The following PLCG1 variants were observed in gnomAD, a reference collection of about 807,000 sequenced individuals.
The protein encoded by PLCG1 is phospholipase C gamma 1, also known as 1-phosphatidylinositol 4,5-bisphosphate phosphodiesterase gamma-1.
A neutral mutation model predicts 177.8 loss-of-function variants in PLCG1; 71 were observed. That is an observed-to-expected ratio of 0.40 (90% CI 0.33 to 0.49). The LOEUF (loss-of-function observed/expected upper bound fraction) is 0.49, where lower values mean the gene tolerates loss of function less well. Ranked by LOEUF, PLCG1 falls within the 20% of genes least tolerant of loss-of-function variation. PLCG1 has a pLI of 0.72. For synonymous variants in PLCG1, 658 were observed against 647.9 expected, an observed-to-expected ratio of 1.02 and a Z score of -0.24; for missense variants, 1,281 against 1,709.0, an observed-to-expected ratio of 0.75 and a Z score of 4.42.
At position 41,163,638 on chromosome 20, in the gene PLCG1, C is replaced by T. The variant is rs1036552759; in HGVS notation, c.892-77C>T. 17 of 1,153,710 alleles carry T rather than the reference C, an allele frequency of 1.5e-5. No homozygotes were observed. Among genetic ancestry groups the T allele is most frequent in the Non-Finnish European group, 2.0e-5 (15 of 764,494 alleles). 71.5% of individuals were successfully genotyped at this position (1,153,710 alleles called of 1,614,324 possible). ...CCAGTTGGGACAGAGCACTCTCTCT[C>T]CTACCCCCAACCTACCATCTTGGGT... On this transcript the variant is annotated intron_variant, in intron 9 of 31. Coordinates refer to ENST00000685551, the MANE Select transcript of PLCG1 (RefSeq NM_002660.3). This position sits in a 1 kb window ranked among gnomAD's most constrained non-coding sequence, Gnocchi z 5.2.
chr20:41,174,289 C>T lies in PLCG1; in HGVS notation c.3811C>T (p.His1271Tyr), dbSNP rs1331979401. The T allele has an allele frequency of 1.2e-6, 2 of 1,614,106 alleles. No individual in the cohort carries two copies. The highest frequency in any genetic ancestry group is 1.7e-6 in the Non-Finnish European group (2 of 1,179,958). ...CATCTCCCAGGAGCATCTCGCAGAC[C>T]ATTTTGACAGTCGAGAACGAAGGTG... is the stretch of plus-strand genomic sequence containing the variant. ...FRISQEHLAD[H>Y]FDSRERRAPR... Residue 1271 changes from histidine (H) to tyrosine (Y), a missense_variant, in exon 31 of 32, where the codon CAT (histidine) becomes TAT (tyrosine). His to Tyr is a moderately conservative substitution (Grantham distance 83). This residue lies in a region of PLCG1 where 153 missense variants were observed against 153.2 expected (regional missense o/e 1.00). Transcript: ENST00000685551. The surrounding 1 kb of genome is among the most constrained non-coding windows in gnomAD (Gnocchi z 5.8).
Position 41,177,350 on chromosome 20 carries a change from AGGAG to A in PLCG1, c.*2842_*2845del, listed in dbSNP as rs2036092480. Reference sequence around the variant, plus strand: ...AAAGACTGCCCTGCGGGAAGATGGCAGGAGCAGTTTCTGACCTCAGTTGAGTATC... The same window carrying A: ...AAAGACTGCCCTGCGGGAAGATGGCACAGTTTCTGACCTCAGTTGAGTATC... On this transcript the variant is annotated 3_prime_UTR_variant, in exon 32 of 32. Coordinates refer to ENST00000685551, the MANE Select transcript of PLCG1 (RefSeq NM_002660.3). 6.6e-6 allele frequency: 1 copy of A among 152,292 alleles called. No homozygotes were observed. The highest frequency in any genetic ancestry group is 6.5e-5 in the Admixed American group (1 of 15,292). The allele number at this position is 152,292 out of a possible 1,614,324, so 9.4% of individuals were successfully genotyped here.
chr20:41,163,608 C>T lies in PLCG1; in HGVS notation c.892-107C>T. On this transcript the variant is annotated intron_variant, in intron 9 of 31. Coordinates refer to ENST00000685551, the MANE Select transcript of PLCG1 (RefSeq NM_002660.3). The surrounding 1 kb of genome is among the most constrained non-coding windows in gnomAD (Gnocchi z 5.2). ...GTTTCTACCTACTGTGCACCTTGCC[C>T]ACCCCCAGTTGGGACAGAGCACTCT... is the stretch of plus-strand genomic sequence containing the variant. 2.8e-6 allele frequency: 3 copies of T among 1,066,644 alleles called. No individual in the cohort carries two copies. Among genetic ancestry groups the T allele is most frequent in the Non-Finnish European group, 4.4e-6 (3 of 689,576 alleles). The allele number at this position is 1,066,644 out of a possible 1,614,324, so 66.1% of individuals were successfully genotyped here. A position where few individuals can be genotyped will look rare whatever the true frequency, so the allele number is the denominator to read the frequency against.
chr20:41,169,152 G>C lies in PLCG1; in HGVS notation c.2557G>C (p.Val853Leu), dbSNP rs753634028. Residue 853 changes from valine to leucine, a missense_variant, in exon 22 of 32, where the codon GTG (valine) becomes CTG (leucine). Physicochemically the swap from Val to Leu is conservative, Grantham distance 32 (BLOSUM62 1). Around this residue, in one of 4 missense-constraint regions of PLCG1, gnomAD observed 723 missense variants for 1,030.0 expected, o/e 0.70. Coordinates refer to ENST00000685551, the MANE Select transcript of PLCG1 (RefSeq NM_002660.3). ...SNYVEEMVNPVALEPEREHLD... is the reference protein window; with the variant it reads ...SNYVEEMVNPLALEPEREHLD... ...CTACGTGGAAGAGATGGTCAACCCC[G>C]TGGCCCTGGAGCCGGAGAGGGAGGT... 6.8e-6 allele frequency: 11 copies of C among 1,613,454 alleles called. No homozygotes were observed. In the South Asian group the frequency reaches 1.2e-4, roughly 18 times the overall value.
rs755903631 is a variant in PLCG1 at position 41,167,945 on chromosome 20, C to T, written c.2379+16C>T. 1.0e-5 allele frequency: 16 copies of T among 1,591,326 alleles called. No homozygotes were observed. The highest frequency in any genetic ancestry group is 1.4e-5 in the Non-Finnish European group (16 of 1,159,638). On this transcript the variant is annotated intron_variant, in intron 20 of 31. Transcript: ENST00000685551. The surrounding 1 kb of genome is among the most constrained non-coding windows in gnomAD (Gnocchi z 4.4). ...AACTTTCAAGGTACAGCTCAGGCCT[C>T]TGGGCATAGGAAGCTGGGGAGGGTC...
In PLCG1 at chr20:41,146,951, T is replaced by TA; in HGVS notation, c.217+9094dup. 6.6e-6 allele frequency among the ~76,000 whole-genome samples: 1 copy of TA among 152,136 alleles called. No homozygotes were observed. Among genetic ancestry groups the TA allele is most frequent in the East Asian group, 1.9e-4 (1 of 5,196 alleles). The stretch of plus-strand genomic sequence containing the variant: ...CATAGGTCCCACAGGTTTCTCAGCT[T>TA]ACTTGGGGGCAGGAGGTGAGCTAAG... On this transcript the variant is annotated intron_variant, in intron 1 of 31. Coordinates refer to ENST00000685551, the MANE Select transcript of PLCG1 (RefSeq NM_002660.3). The surrounding 1 kb of genome is among the most constrained non-coding windows in gnomAD (Gnocchi z 6.3).
chr20:41,167,749 G>A lies in PLCG1; in HGVS notation c.2302-103G>A, dbSNP rs2035751100. ...AAGGATCCCTGTGGATCAGGTGCAAGTTTGCTGCACTGGGGGAAAGGGAAG... is the reference window on the plus strand; with the variant it reads ...AAGGATCCCTGTGGATCAGGTGCAAATTTGCTGCACTGGGGGAAAGGGAAG... On this transcript the variant is annotated intron_variant, in intron 19 of 31. Transcript: ENST00000685551. The surrounding 1 kb of genome is among the most constrained non-coding windows in gnomAD (Gnocchi z 4.4). 1.2e-6 allele frequency: 1 copy of A among 809,364 alleles called. No homozygotes were observed. The highest frequency in any genetic ancestry group is 2.1e-6 in the Non-Finnish European group (1 of 469,814). 50.1% of individuals were successfully genotyped at this position (809,364 alleles called of 1,614,324 possible).
chr20:41,139,979 C>G (rs1847760874), intron 1 of PLCG1, among the ~76,000 whole-genome samples: 1 of 152,134 alleles, frequency 6.6e-6, no homozygotes, highest in South Asian at 2.1e-4. Context: ...TGTGACCTTT[C>G]TTGTTTGTAA....
chr20:41,149,209 C>G (rs994540886), intron 1 of PLCG1, among the ~76,000 whole-genome samples: 1 of 152,216 alleles, frequency 6.6e-6, no homozygotes, highest in Non-Finnish European at 1.5e-5. Context: ...TCTGTGGACT[C>G]TAACGTAAGC....
chr20:41,169,207 C>T (rs199707161), intron 22 of PLCG1, 32 bp downstream of exon 22: 535 of 1,451,602 alleles, frequency 3.7e-4, no homozygotes, highest in Non-Finnish European at 4.5e-4. Flanking sequence ...TAACAGCATT[C>T]CCTATTCCCA....
chr20:41,166,157 G>A lies in PLCG1; in HGVS notation c.1800-37G>A, dbSNP rs1168714313. 1 of 1,589,698 alleles carries A rather than the reference G, an allele frequency of 6.3e-7. No homozygotes were observed. The highest frequency in any genetic ancestry group is 8.6e-7 in the Non-Finnish European group (1 of 1,164,462). On this transcript the variant is annotated intron_variant, in intron 16 of 31. Coordinates refer to ENST00000685551, the MANE Select transcript of PLCG1 (RefSeq NM_002660.3). This position sits in a 1 kb window ranked among gnomAD's most constrained non-coding sequence, Gnocchi z 8.6. ...AACTTGGTCTTTGGGGCCCTGGCCTGTTTTCCCCAGCCTCCCTCACTCTGT... is the reference window on the plus strand; with the variant it reads ...AACTTGGTCTTTGGGGCCCTGGCCTATTTTCCCCAGCCTCCCTCACTCTGT...
At position 41,166,705 on chromosome 20, in the gene PLCG1, G is replaced by A. The variant is rs1194857720; in HGVS notation, c.2147G>A (p.Arg716His). 1 of 1,614,162 alleles carries A rather than the reference G, an allele frequency of 6.2e-7. No homozygotes were observed. Among genetic ancestry groups the A allele is most frequent in the Non-Finnish European group, 8.5e-7 (1 of 1,180,014 alleles). ...FRAEGKIKHCRVQQEGQTVML... is the reference protein window; with the variant it reads ...FRAEGKIKHCHVQQEGQTVML... ...GCTGAGGGCAAGATCAAGCATTGCC[G>A]TGTCCAGCAAGAGGGCCAGACAGTG... Residue 716 changes from arginine to histidine, a missense_variant, in exon 19 of 32, where the codon CGT becomes CAT. This residue lies in a region of PLCG1 where 723 missense variants were observed against 1,030.0 expected (regional missense o/e 0.70). Coordinates refer to ENST00000685551, the MANE Select transcript of PLCG1 (RefSeq NM_002660.3). The surrounding 1 kb of genome is among the most constrained non-coding windows in gnomAD (Gnocchi z 8.6).
Position 41,174,046 on chromosome 20 carries a change from G to T in PLCG1, c.3645+35G>T. On this transcript the variant is annotated intron_variant, in intron 30 of 31. Coordinates refer to ENST00000685551, the MANE Select transcript of PLCG1 (RefSeq NM_002660.3). This position sits in a 1 kb window ranked among gnomAD's most constrained non-coding sequence, Gnocchi z 5.8. ...GCAGGGGTGGGCTGGCCTGGGGTAG[G>T]TGGGAGGAGAGCCAGGCAGCAGCCT... 1 of 1,607,496 alleles carries T rather than the reference G, an allele frequency of 6.2e-7. No homozygotes were observed. Among genetic ancestry groups the T allele is most frequent in the Non-Finnish European group, 8.5e-7 (1 of 1,174,272 alleles).
At position 41,158,313 on chromosome 20, in the gene PLCG1, C is replaced by T. The variant is rs58804367; in HGVS notation, c.218-1293C>T. Among the ~76,000 whole-genome samples, 14 of 152,262 alleles carry T rather than the reference C, an allele frequency of 9.2e-5. No individual in the cohort carries two copies. The East Asian group carries it at 2.5e-3, about 27-fold the overall frequency. ...AGGCAAATGCTGGCACTGCATCTGG[C>T]TCCGAAGTTACCAGGCCAGTCTGGG... On this transcript the variant is annotated intron_variant, in intron 1 of 31. Transcript: ENST00000685551.
Position 41,150,202 on chromosome 20 carries a change from C to T in PLCG1, c.218-9404C>T, listed in dbSNP as rs2035123412. 6.6e-6 allele frequency among the ~76,000 whole-genome samples: 1 copy of T among 152,140 alleles called. No homozygotes were observed. Among genetic ancestry groups the T allele is most frequent in the South Asian group, 2.1e-4 (1 of 4,826 alleles). ...GACTTATGGGCCAGGCATGGTGGCTCACACCTGTAATCCCAGCACTTTGGG... is the reference window on the plus strand; with the variant it reads ...GACTTATGGGCCAGGCATGGTGGCTTACACCTGTAATCCCAGCACTTTGGG... On this transcript the variant is annotated intron_variant, in intron 1 of 31. Coordinates refer to ENST00000685551, the MANE Select transcript of PLCG1 (RefSeq NM_002660.3). This position sits in a 1 kb window ranked among gnomAD's most constrained non-coding sequence, Gnocchi z 4.0.
chr20:41,138,762 C>G (rs2034706471), intron 1 of PLCG1, among the ~76,000 whole-genome samples: 1 of 152,148 alleles, frequency 6.6e-6, no homozygotes, highest in African/African-American at 2.4e-5. Context: ...CAGGCCTGAG[C>G]TTGGCTGCTT....
In PLCG1 at chr20:41,163,549, C is replaced by T; in HGVS notation, c.891+70C>T. ...GGGTGACCAGGACCCCACCCGGGCT[C>T]CAGGAGCTAGACGCTCCTTAGGGAT... is the stretch of plus-strand genomic sequence containing the variant. On this transcript the variant is annotated intron_variant, in intron 9 of 31. Transcript: ENST00000685551. This position sits in a 1 kb window ranked among gnomAD's most constrained non-coding sequence, Gnocchi z 5.2. 1 of 1,232,646 alleles carries T rather than the reference C, an allele frequency of 8.1e-7. No homozygotes were observed. Among genetic ancestry groups the T allele is most frequent in the South Asian group, 1.2e-5 (1 of 83,750 alleles). 76.4% of individuals were successfully genotyped at this position (1,232,646 alleles called of 1,614,324 possible).
rs138957583 is a variant in PLCG1, at chr20:41,168,874, A to G, written c.2483+4A>G. 1.1e-4 allele frequency: 177 copies of G among 1,596,248 alleles called. No homozygotes were observed. The African/African-American group carries it at 2.1e-3, about 19-fold the overall frequency. The stretch of plus-strand genomic sequence containing the variant: ...TGGAGAAGCAAGAGGGAGGCTGGTA[A>G]GCCAGTGGTGTGGTAGGCCCAGAGT... On this transcript the variant is annotated splice_donor_region_variant and intron_variant, in intron 21 of 31. Coordinates refer to ENST00000685551, the MANE Select transcript of PLCG1 (RefSeq NM_002660.3).
At chr20:41,143,374 T>G (rs895856761) in intron 1 of PLCG1, among the ~76,000 whole-genome samples, 1 of 152,138 alleles carries the variant, frequency 6.6e-6, no homozygotes, top group African/African-American at 2.4e-5. Flanking sequence ...TGCAAAGGTG[T>G]GATATTAGGA....
Sources: gnomAD v4.1 joint callset for allele counts (sites outside exome capture counted in the v4.1 genomes callset) on GRCh38, gnomAD v4.1.1 for gene constraint, gnomAD v4.1.1 regional missense constraint, Gnocchi (gnomAD v3.1) non-coding constraint, MANE v1.5 for transcripts, NCBI Gene and HGNC (gene_info 2026-07-23, HGNC 2026-07-21) for gene names.